The following FEZ1 variants were observed in gnomAD, a reference collection of about 807,000 sequenced individuals.
FEZ1 encodes the protein fasciculation and elongation protein zeta 1, also known as fasciculation and elongation protein zeta-1.
In FEZ1, 20 loss-of-function variants were observed where a neutral mutation model predicts 49.3. That is an observed-to-expected ratio of 0.41 (90% CI 0.29 to 0.59). FEZ1 has a LOEUF of 0.59. Among genes scored for constraint, FEZ1 ranks in the 20% least tolerant of loss-of-function variants. The pLI is 0.36. For missense variants in FEZ1, 413 were observed against 476.0 expected, an observed-to-expected ratio of 0.87 and a Z score of 1.23; for synonymous variants, 170 against 180.9, an observed-to-expected ratio of 0.94 and a Z score of 0.48.
rs762887692 is a variant in FEZ1, at chr11:125,489,400, T to C, written c.311+67A>G. 189 of 1,530,120 alleles carry C rather than the reference T, an allele frequency of 1.2e-4. No homozygotes were observed. Among genetic ancestry groups the C allele is most frequent in the Non-Finnish European group, 1.5e-4 (174 of 1,142,916 alleles). 94.8% of individuals were successfully genotyped at this position (1,530,120 alleles called of 1,614,324 possible). ...TAAACCTATAGACAGAAACCAGCAC[T>C]ATGTCAAGGAGACAAGGACTACAGG... On this transcript the variant is annotated intron_variant, in intron 2 of 9. Coordinates refer to ENST00000278919, the MANE Select transcript of FEZ1 (RefSeq NM_005103.5). The surrounding 1 kb of genome is among the most constrained non-coding windows in gnomAD (Gnocchi z 4.2).
chr11:125,468,212 A>G (rs758389384), intron 3 of FEZ1, among the ~76,000 whole-genome samples: 15 of 151,996 alleles, frequency 9.9e-5, no homozygotes, highest in Non-Finnish European at 1.9e-4. Context: ...GAGTCTCACA[A>G]TATCACCCAG....
intron 5 of FEZ1, among the ~76,000 whole-genome samples, chr11:125,457,423 A>ATAT (rs1362466344): frequency 1.8e-3 from 69 of 37,520 alleles, no homozygotes; most frequent in African/African-American, 6.2e-3. Flanking sequence ...AAAAAAAAAA[A>ATAT]AAAAAAATAT....
rs1040752511 is a variant in FEZ1, at chr11:125,488,068, T to C, written c.311+1399A>G. Reference sequence around the variant, plus strand: ...TTGTGTGATAGCTAAGAACAATGGATGCATATTGTATCTCTGCAGGGAACT... The same window carrying C: ...TTGTGTGATAGCTAAGAACAATGGACGCATATTGTATCTCTGCAGGGAACT... On this transcript the variant is annotated intron_variant, in intron 2 of 9. Transcript: ENST00000278919. Among the ~76,000 whole-genome samples the C allele has an allele frequency of 2.0e-5, 3 of 152,344 alleles. No homozygotes were observed. The South Asian group carries it at 6.2e-4, about 32-fold the overall frequency.
intron 5 of FEZ1, among the ~76,000 whole-genome samples, chr11:125,457,427 AAAATAT>A (rs1957023558): frequency 7.4e-5 from 2 of 27,192 alleles, no homozygotes; most frequent in African/African-American, 1.4e-4. Flanking sequence ...AAAAAAAAAA[AAAATAT>A]ATATATATAT....
intron 3 of FEZ1, among the ~76,000 whole-genome samples, chr11:125,463,857 G>A (rs572507905): frequency 2.0e-5 from 3 of 152,326 alleles, no homozygotes; most frequent in South Asian, 2.1e-4. Context: ...GGACAGCACC[G>A]TTTTTTAACC....
chr11:125,470,378 C>G (rs535781141), intron 3 of FEZ1, among the ~76,000 whole-genome samples: 1 of 152,200 alleles, frequency 6.6e-6, no homozygotes, highest in Admixed American at 6.5e-5. Flanking sequence ...GAGAAAGTTC[C>G]CTGGAGAGTG....
rs747436161 is a variant in FEZ1, at chr11:125,489,652, G to A, written c.126C>T (p.Ser42=). 6.2e-7 allele frequency: 1 copy of A among 1,613,914 alleles called. No individual in the cohort carries two copies. The highest frequency in any genetic ancestry group is 8.5e-7 in the Non-Finnish European group (1 of 1,179,956). Residue 42 remains serine, a synonymous_variant, in exon 2 of 10, where the codon TCC becomes TCT. Coordinates refer to ENST00000278919, the MANE Select transcript of FEZ1 (RefSeq NM_005103.5). This position sits in a 1 kb window ranked among gnomAD's most constrained non-coding sequence, Gnocchi z 4.2. The part of the protein sequence containing the change: ...GSSPHHLEDP[S]LSELENFSSE... ...AAGAAAAATTCTCAAGCTCGGAGAG[G>A]GAGGGGTCCTCGAGATGGTGGGGAG...
intron 3 of FEZ1, among the ~76,000 whole-genome samples, chr11:125,480,063 G>A (rs1006435439): frequency 5.3e-5 from 8 of 152,118 alleles, no homozygotes; most frequent in South Asian, 2.1e-4. Context: ...ACACATAAAC[G>A]TCCCCTTGGT....
At chr11:125,474,316 A>G (rs936608559) in intron 3 of FEZ1, among the ~76,000 whole-genome samples, 3 of 150,702 alleles carry the variant, frequency 2.0e-5, no homozygotes, top group African/African-American at 7.3e-5. Flanking sequence ...GGGATTACAG[A>G]CATGAGCTAC....
chr11:125,464,373 G>C (rs1469626305), intron 3 of FEZ1, among the ~76,000 whole-genome samples: 1 of 152,226 alleles, frequency 6.6e-6, no homozygotes, highest in Non-Finnish European at 1.5e-5. Context: ...CCACAGAAAA[G>C]TTAATCACTA....
chr11:125,495,439 C>G lies in FEZ1; in HGVS notation c.-46+682G>C, dbSNP rs923614581. ...CCCGCATTCCAGAGCCCGGGGCCCA[C>G]CCGACGGCAGCGCGCCCCGCCACCG... On this transcript the variant is annotated intron_variant, in intron 1 of 9. Coordinates refer to ENST00000278919, the MANE Select transcript of FEZ1 (RefSeq NM_005103.5). The surrounding 1 kb of genome is among the most constrained non-coding windows in gnomAD (Gnocchi z 4.2). 8 of 470,272 alleles carry G rather than the reference C, an allele frequency of 1.7e-5. No homozygotes were observed. Among genetic ancestry groups the G allele is most frequent in the Middle Eastern group, 6.5e-4 (2 of 3,094 alleles). The allele number at this position is 470,272 out of a possible 1,614,324, so 29.1% of individuals were successfully genotyped here.
intron 2 of FEZ1, among the ~76,000 whole-genome samples, chr11:125,485,661 C>A (rs573876310): frequency 8.6e-5 from 13 of 151,804 alleles, no homozygotes; most frequent in East Asian, 1.9e-4. Context: ...AGTGGCTGGG[C>A]GTGGTGGCTC....
chr11:125,488,143 C>G (rs190002205), intron 2 of FEZ1, among the ~76,000 whole-genome samples: 1 of 152,012 alleles, frequency 6.6e-6, no homozygotes, highest in Non-Finnish European at 1.5e-5. Context: ...TCCCAGGGCT[C>G]GGTTATCTGC....
chr11:125,494,323 A>G (rs1300628889), intron 1 of FEZ1, among the ~76,000 whole-genome samples: 1 of 152,158 alleles, frequency 6.6e-6, no homozygotes, highest in Non-Finnish European at 1.5e-5. Flanking sequence ...ACTTCCTTAG[A>G]TGGTGACCCT....
intron 9 of FEZ1, 113 bp from the exon 10 acceptor site, chr11:125,446,224 A>C: frequency 1.1e-6 from 1 of 940,804 alleles, no homozygotes. Context: ...GAGTGGTGAC[A>C]GCCCCCACTT....
At chr11:125,482,661 G>A (rs552713629) in intron 2 of FEZ1, among the ~76,000 whole-genome samples, 1 of 152,150 alleles carries the variant, frequency 6.6e-6, no homozygotes, top group Non-Finnish European at 1.5e-5. Context: ...GAAGCCAATG[G>A]CACCTGAATT....
At chr11:125,490,578 C>G (rs1056911953) in intron 1 of FEZ1, among the ~76,000 whole-genome samples, 4 of 152,076 alleles carry the variant, frequency 2.6e-5, no homozygotes, top group Non-Finnish European at 5.9e-5. Flanking sequence ...AAAACATTGG[C>G]TGGATGTGGT....
In FEZ1 at chr11:125,489,272, G is replaced by A. The variant is rs1358123356; in HGVS notation, c.311+195C>T. On this transcript the variant is annotated intron_variant, in intron 2 of 9. Transcript: ENST00000278919. This position sits in a 1 kb window ranked among gnomAD's most constrained non-coding sequence, Gnocchi z 4.2. The stretch of plus-strand genomic sequence containing the variant: ...TCATTCCTCTAAGGTTTCAATTTAA[G>A]AAAGTTCTCCTCAGGGGACTGTAAA... 8.2e-7 allele frequency: 1 copy of A among 1,224,942 alleles called. No individual in the cohort carries two copies. The highest frequency in any genetic ancestry group is 1.6e-5 in the African/African-American group (1 of 64,256). The allele number at this position is 1,224,942 out of a possible 1,614,324, so 75.9% of individuals were successfully genotyped here.
At chr11:125,494,560 A>C (rs1172794600) in intron 1 of FEZ1, among the ~76,000 whole-genome samples, 1 of 152,246 alleles carries the variant, frequency 6.6e-6, no homozygotes, top group Non-Finnish European at 1.5e-5. Flanking sequence ...TACATACATG[A>C]AAATGGCAGA....
Sources: allele counts gnomAD v4.1 joint callset (sites outside exome capture counted in the v4.1 genomes callset), GRCh38; gene constraint gnomAD v4.1.1; non-coding constraint Gnocchi (gnomAD v3.1); transcripts MANE v1.5; gene names NCBI Gene and HGNC (gene_info 2026-07-23, HGNC 2026-07-21).